Variants in DPP10 observed in about 807,000 individuals in gnomAD.
DPP10 encodes the protein inactive dipeptidyl peptidase 10.
DPP10 carries 33 observed loss-of-function variants against 120.9 expected under a neutral mutation model. The observed-to-expected ratio is 0.27, with a 90% CI of 0.21 to 0.37. DPP10 has a LOEUF of 0.37. DPP10 is among the 10% of genes least tolerant of loss of function. DPP10 has a pLI of 1.00. For missense variants in DPP10, 816 were observed against 942.8 expected, an observed-to-expected ratio of 0.87 and a Z score of 1.76; for synonymous variants, 337 against 326.1, an observed-to-expected ratio of 1.03 and a Z score of -0.36.
chr2:115,472,195 A>G (rs146383026), intron 3 of DPP10, among the ~76,000 whole-genome samples: 1 of 152,220 alleles, frequency 6.6e-6, no homozygotes, highest in Admixed American at 6.5e-5. Context: ...AAGCATATTC[A>G]GTAAACAACT....
intron 1 of DPP10, among the ~76,000 whole-genome samples, 189 bp from the exon 2 acceptor site, chr2:115,309,050 C>T (rs2061478459): frequency 6.6e-6 from 1 of 152,002 alleles, no homozygotes; most frequent in Admixed American, 6.6e-5. Context: ...ACAGAGAGAG[C>T]AGATTGTCCC....
intron 1 of DPP10, among the ~76,000 whole-genome samples, chr2:114,594,280 G>A (rs1307025236): frequency 6.6e-6 from 1 of 151,880 alleles, no homozygotes; most frequent in African/African-American, 2.4e-5. Context: ...TTGAGACTCG[G>A]ACTGGCTCTC....
At chr2:115,221,396 C>T (rs1000201870) in intron 1 of DPP10, among the ~76,000 whole-genome samples, 1 of 152,114 alleles carries the variant, frequency 6.6e-6, no homozygotes, top group Non-Finnish European at 1.5e-5. Flanking sequence ...TGCACTAAAG[C>T]AGGGTTCGGC....
chr2:115,432,399 C>T (rs1000716164), intron 3 of DPP10, among the ~76,000 whole-genome samples: 4 of 151,940 alleles, frequency 2.6e-5, no homozygotes, highest in Non-Finnish European at 5.9e-5. Context: ...TGGTTTTGCT[C>T]TCATTGGTTC....
chr2:114,687,351 C>G (rs904597447), intron 1 of DPP10, among the ~76,000 whole-genome samples: 6 of 151,914 alleles, frequency 3.9e-5, no homozygotes, highest in African/African-American at 1.4e-4. Flanking sequence ...CTAACAGTTA[C>G]TTTAGAAGTT....
chr2:115,701,416 T>C (rs922641235), intron 7 of DPP10, among the ~76,000 whole-genome samples: 1 of 152,054 alleles, frequency 6.6e-6, no homozygotes, highest in Non-Finnish European at 1.5e-5. Flanking sequence ...TTACCTAATA[T>C]CACATTCAAA....
At chr2:114,471,144 C>G (rs994157641) in intron 1 of DPP10, among the ~76,000 whole-genome samples, 24 of 152,144 alleles carry the variant, frequency 1.6e-4, no homozygotes, top group Admixed American at 2.6e-4. Flanking sequence ...ATCATTAAAA[C>G]TTGATAAATA....
chr2:115,662,882 T>G (rs561785897), intron 5 of DPP10, among the ~76,000 whole-genome samples: 2 of 152,324 alleles, frequency 1.3e-5, no homozygotes, highest in East Asian at 3.9e-4. Flanking sequence ...AAATTCTAGC[T>G]TAGGTCCTGG....
chr2:115,158,146 TTGTC>T (rs2052046608), intron 1 of DPP10, among the ~76,000 whole-genome samples: 1 of 152,216 alleles, frequency 6.6e-6, no homozygotes, highest in African/African-American at 2.4e-5. Flanking sequence ...CTTTGGTCCT[TTGTC>T]TGCTATTTGA....
chr2:114,454,174 G>A (rs928933884), intron 1 of DPP10, among the ~76,000 whole-genome samples: 2 of 152,014 alleles, frequency 1.3e-5, no homozygotes, highest in Non-Finnish European at 2.9e-5. Context: ...GTGAAGAATC[G>A]GGAGAGAAAA....
intron 1 of DPP10, among the ~76,000 whole-genome samples, chr2:114,573,549 C>T (rs770306093): frequency 6.6e-6 from 1 of 152,104 alleles, no homozygotes; most frequent in South Asian, 2.1e-4. Flanking sequence ...TATCAAACGA[C>T]GAAGCAGAAG....
At chr2:115,109,529 C>T (rs915791403) in intron 1 of DPP10, among the ~76,000 whole-genome samples, 6 of 142,488 alleles carry the variant, frequency 4.2e-5, no homozygotes, top group South Asian at 2.2e-4. Context: ...AGCGAGACTC[C>T]GTCTCAAAAA....
chr2:115,437,117 A>G (rs180998466), intron 3 of DPP10, among the ~76,000 whole-genome samples: 27 of 152,128 alleles, frequency 1.8e-4, no homozygotes, highest in East Asian at 7.7e-4. Context: ...GAGACTTCCA[A>G]AATCCTCTAA....
At chr2:114,867,162 C>A (rs1690306492) in intron 1 of DPP10, among the ~76,000 whole-genome samples, 1 of 152,076 alleles carries the variant, frequency 6.6e-6, no homozygotes, top group Non-Finnish European at 1.5e-5. Flanking sequence ...CTTGGTGACC[C>A]TCTAAAATAA....
rs190135981 is a variant in DPP10, at chr2:115,772,494, A to G, written c.1221+4090A>G. On this transcript the variant is annotated intron_variant, in intron 13 of 25. Coordinates refer to ENST00000410059, the MANE Select transcript of DPP10 (RefSeq NM_020868.6). ...TTTCTCCACTTTCATATATTCCATT[A>G]AAGAAAATATTAAATAAAACTATGG... Among the ~76,000 whole-genome samples the G allele has an allele frequency of 4.6e-5, 7 of 152,262 alleles. No homozygotes were observed. The East Asian group carries it at 1.4e-3, about 29-fold the overall frequency.
chr2:115,067,494 C>A (rs1037509873), intron 1 of DPP10, among the ~76,000 whole-genome samples: 2 of 149,828 alleles, frequency 1.3e-5, no homozygotes, highest in African/African-American at 4.9e-5. Context: ...CCTCGTGATC[C>A]CCCCGCCTCG....
At chr2:115,350,515 T>C (rs1478734149) in intron 3 of DPP10, among the ~76,000 whole-genome samples, 1 of 152,102 alleles carries the variant, frequency 6.6e-6, no homozygotes, top group African/African-American at 2.4e-5. Context: ...TTACTAAAAT[T>C]CTCATTATGG....
intron 1 of DPP10, among the ~76,000 whole-genome samples, chr2:115,192,853 GATTTTAATAAAAAATTAAAATAA>G (rs1395948879): frequency 6.6e-6 from 1 of 150,976 alleles, no homozygotes; most frequent in Non-Finnish European, 1.5e-5. Context: ...ATTGTGCTTT[GATTTTAATAAAAAATTAAAATAA>G]ATTTTAATTT....
chr2:115,817,477 A>C (rs558848912), intron 21 of DPP10, among the ~76,000 whole-genome samples: 1 of 152,308 alleles, frequency 6.6e-6, no homozygotes, highest in East Asian at 1.9e-4. Flanking sequence ...AGAAATGAGT[A>C]AAATACAAAT....
Sources: allele counts gnomAD v4.1 joint callset (sites outside exome capture counted in the v4.1 genomes callset), GRCh38; gene constraint gnomAD v4.1.1; transcripts MANE v1.5; gene names NCBI Gene and HGNC (gene_info 2026-07-23, HGNC 2026-07-21).